Variants in SGK1 observed in about 807,000 individuals in gnomAD.
SGK1 encodes serum/glucocorticoid regulated kinase 1.
SGK1 carries 26 observed loss-of-function variants against 64.2 expected under a neutral mutation model. The ratio of observed to expected loss-of-function variants is 0.40; its 90% CI spans 0.30 to 0.56. The LOEUF is 0.56. Among genes scored for constraint, SGK1 ranks in the 20% least tolerant of loss-of-function variants. SGK1 has a pLI of 0.38. For synonymous variants in SGK1, 265 were observed against 239.7 expected, an observed-to-expected ratio of 1.11 and a Z score of -0.98; for missense variants, 519 against 645.6, an observed-to-expected ratio of 0.80 and a Z score of 2.12.
chr6:134,192,619 G>C (rs541080258), intron 3 of SGK1, among the ~76,000 whole-genome samples: 6 of 112,092 alleles, frequency 5.4e-5, no homozygotes, highest in African/African-American at 2.1e-4. Flanking sequence ...CCATTCTTTT[G>C]AGTGCAGTGG....
intron 1 of SGK1, among the ~76,000 whole-genome samples, chr6:134,310,938 G>T (rs1002033854): frequency 2.6e-5 from 4 of 152,190 alleles, no homozygotes; most frequent in African/African-American, 9.7e-5. Context: ...AATAAAAGGA[G>T]ATTAGTGAAT....
At chr6:134,300,492 C>T (rs1386475143) in intron 1 of SGK1, among the ~76,000 whole-genome samples, 11 of 136,270 alleles carry the variant, frequency 8.1e-5, no homozygotes, top group African/African-American at 1.1e-4. Context: ...GAGCCGAGAT[C>T]GCGCCACTGC....
At chr6:134,225,746 T>C (rs576540005) in intron 2 of SGK1, among the ~76,000 whole-genome samples, 37 of 152,114 alleles carry the variant, frequency 2.4e-4, no homozygotes, top group African/African-American at 8.4e-4. Flanking sequence ...CAGTCTTTTA[T>C]TCCTGCTTTC....
At chr6:134,197,442 G>C (rs1775610405) in intron 3 of SGK1, among the ~76,000 whole-genome samples, 1 of 152,002 alleles carries the variant, frequency 6.6e-6, no homozygotes, top group African/African-American at 2.4e-5. Flanking sequence ...AAAAAGTTAT[G>C]ACCAGCCATC....
intron 1 of SGK1, among the ~76,000 whole-genome samples, chr6:134,280,010 T>G (rs1049499364): frequency 6.6e-6 from 1 of 151,910 alleles, no homozygotes; most frequent in Non-Finnish European, 1.5e-5. Context: ...CGGGGCAACA[T>G]AGTGAGATCT....
chr6:134,286,686 C>G lies in SGK1; in HGVS notation c.70-24538G>C, dbSNP rs1242486733. On this transcript the variant is annotated intron_variant, in intron 1 of 13. Transcript: ENST00000367858. ...GCTTCCCCGTGTTAGCCAGGATGGT[C>G]TCAATCTCCTGACCTTGTGATCCGC... Among the ~76,000 whole-genome samples the G allele has an allele frequency of 2.6e-5, 4 of 152,134 alleles. No homozygotes were observed. The East Asian group carries it at 7.8e-4, about 29-fold the overall frequency.
chr6:134,176,412 CGGG>C (rs1775234696), intron 3 of SGK1, among the ~76,000 whole-genome samples: 4 of 152,242 alleles, frequency 2.6e-5, no homozygotes, highest in Admixed American at 6.5e-5. Flanking sequence ...GGCGGCGGCC[CGGG>C]CTCTGCAGAA....
chr6:134,223,490 G>T (rs550911057), intron 2 of SGK1, among the ~76,000 whole-genome samples: 23 of 152,198 alleles, frequency 1.5e-4, no homozygotes, highest in Middle Eastern at 3.4e-3. Flanking sequence ...CATTGCAAAT[G>T]ACACTATATT....
At chr6:134,242,629 T>C (rs1428907473) in intron 2 of SGK1, among the ~76,000 whole-genome samples, 1 of 151,858 alleles carries the variant, frequency 6.6e-6, no homozygotes, top group Non-Finnish European at 1.5e-5. Flanking sequence ...TTAATTTAAA[T>C]TTAATTTTTT....
rs575829558 is a variant in SGK1 at position 134,300,374 on chromosome 6, T to C, written c.69+17018A>G. ...TAACATGGTGAAACCCCAACTCTAC[T>C]AAAAATTCAAAAAAATTAGCCAGGC... On this transcript the variant is annotated intron_variant, in intron 1 of 13. Transcript: ENST00000367858. Among the ~76,000 whole-genome samples, 3 of 151,556 alleles carry C rather than the reference T, an allele frequency of 2.0e-5. 1 individual carries two copies. The highest frequency in any genetic ancestry group is 4.2e-4 in the South Asian group (2 of 4,810).
intron 3 of SGK1, among the ~76,000 whole-genome samples, chr6:134,192,681 C>G (rs551587554): frequency 6.6e-6 from 1 of 151,608 alleles, no homozygotes; most frequent in Non-Finnish European, 1.5e-5. Context: ...GCGATTCCCC[C>G]ACCTCAGCCT....
At chr6:134,238,548 A>C (rs1217247772) in intron 2 of SGK1, among the ~76,000 whole-genome samples, 1 of 151,168 alleles carries the variant, frequency 6.6e-6, no homozygotes, top group Non-Finnish European at 1.5e-5. Flanking sequence ...GAACTAAAGA[A>C]TATTAATTCT....
intron 2 of SGK1, among the ~76,000 whole-genome samples, chr6:134,227,417 G>C (rs188250297): frequency 6.6e-6 from 1 of 152,210 alleles, no homozygotes; most frequent in African/African-American, 2.4e-5. Flanking sequence ...TACAGGCGTG[G>C]GCCACCGTGC....
intron 1 of SGK1, among the ~76,000 whole-genome samples, chr6:134,293,980 C>T (rs545318364): frequency 2.0e-5 from 3 of 152,310 alleles, no homozygotes; most frequent in Non-Finnish European, 2.9e-5. Context: ...TAGCAACACA[C>T]ATGAGAAAAG....
At position 134,207,044 on chromosome 6, in the gene SGK1, T is replaced by C. The variant is rs547665073; in HGVS notation, c.361+312A>G. Among the ~76,000 whole-genome samples the C allele has an allele frequency of 2.2e-3, 336 of 151,618 alleles. 3 individuals carry two copies. Among genetic ancestry groups the C allele is most frequent in the Non-Finnish European group, 3.6e-3 (245 of 67,892 alleles). On this transcript the variant is annotated intron_variant, in intron 3 of 13. Transcript: ENST00000367858. ...ATCGAGACCATCCTGGCTGACACGG[T>C]GAAACACCATCTCTACTAAAAATAC...
intron 3 of SGK1, among the ~76,000 whole-genome samples, chr6:134,201,670 C>A (rs1004534353): frequency 1.3e-5 from 2 of 152,108 alleles, no homozygotes; most frequent in African/African-American, 4.8e-5. Context: ...CCTATTATTT[C>A]TTGTATTATT....
At position 134,227,779 on chromosome 6, in the gene SGK1, G is replaced by A. The variant is rs144022530; in HGVS notation, c.286-20348C>T. On this transcript the variant is annotated intron_variant, in intron 2 of 13. Coordinates refer to ENST00000367858, the MANE Select transcript of SGK1 (RefSeq NM_001143676.3). ...ACTTCATCACATTGACTCCAAATAC[G>A]CACGTACTAAAAGCAAAATGAACCA... 2.1e-3 allele frequency among the ~76,000 whole-genome samples: 322 copies of A among 152,088 alleles called. 2 individuals are homozygous for A. The highest frequency in any genetic ancestry group is 3.7e-3 in the Non-Finnish European group (249 of 67,990).
intron 2 of SGK1, among the ~76,000 whole-genome samples, chr6:134,208,019 C>T (rs1376668519): frequency 6.6e-6 from 1 of 152,198 alleles, no homozygotes; most frequent in Non-Finnish European, 1.5e-5. Flanking sequence ...TCAAGCGATT[C>T]TCCTGCCTCA....
chr6:134,284,129 G>A (rs1777142659), intron 1 of SGK1, among the ~76,000 whole-genome samples: 1 of 152,002 alleles, frequency 6.6e-6, no homozygotes, highest in Non-Finnish European at 1.5e-5. Context: ...GTCTCACTCT[G>A]TCACCCAGGC....
Sources: gnomAD v4.1 joint callset for allele counts (sites outside exome capture counted in the v4.1 genomes callset) on GRCh38, gnomAD v4.1.1 for gene constraint, MANE v1.5 for transcripts, NCBI Gene and HGNC (gene_info 2026-07-23, HGNC 2026-07-21) for gene names.